Variants in ITK observed in about 807,000 individuals in gnomAD.
ITK encodes IL2 inducible T cell kinase.
ITK carries 45 observed loss-of-function variants against 87.6 expected under a neutral mutation model. The ratio of observed to expected loss-of-function variants is 0.51; its 90% confidence interval spans 0.40 to 0.66. The LOEUF (loss-of-function observed/expected upper bound fraction) is 0.66, where lower values mean the gene tolerates loss of function less well. Among genes scored for constraint, ITK ranks in the 30% least tolerant of loss-of-function variants. The pLI is 0.00. For synonymous variants in ITK, 303 were observed against 273.6 expected (o/e 1.11, Z -1.06); for missense variants, 605 against 766.3 (o/e 0.79, Z 2.48).
At chr5:157,213,246 T>A (rs964770238) in intron 3 of ITK, among the ~76,000 whole-genome samples, 5 of 152,138 alleles carry the variant, frequency 3.3e-5, no homozygotes, top group Non-Finnish European at 7.4e-5. Flanking sequence ...TCAGGTCTCA[T>A]GAGAACTCAC....
chr5:157,194,657 C>A (rs1753818118), intron 1 of ITK, among the ~76,000 whole-genome samples: 1 of 152,152 alleles, frequency 6.6e-6, no homozygotes, highest in Admixed American at 6.5e-5. Flanking sequence ...CAGGAGCACA[C>A]AAGATGGCAC....
Position 157,214,228 on chromosome 5 carries a change from T to A in ITK, c.363T>A (p.His121Gln). Reference sequence around the variant, plus strand: ...ATAACAGTTTGGTGCCTAAATATCATCCTAATTTCTGGATGGATGGGAAGT... The same window carrying A: ...ATAACAGTTTGGTGCCTAAATATCAACCTAATTTCTGGATGGATGGGAAGT... ...RNNNSLVPKY[H>Q]PNFWMDGKWR... The change falls in exon 4 of 17, where the codon CAT becomes CAA. Residue 121 changes from histidine (H) to glutamine (Q), a missense_variant. His to Gln is a conservative substitution (Grantham distance 24). Transcript: ENST00000422843. The A allele has an allele frequency of 6.2e-7, 1 of 1,609,728 alleles. No individual in the cohort carries two copies. Among genetic ancestry groups the A allele is most frequent in the Non-Finnish European group, 8.5e-7 (1 of 1,176,048 alleles).
At chr5:157,197,588 A>G (rs1753876941) in intron 1 of ITK, among the ~76,000 whole-genome samples, 1 of 151,412 alleles carries the variant, frequency 6.6e-6, no homozygotes, top group Non-Finnish European at 1.5e-5. Context: ...TTCTTTGGAT[A>G]TTGCATATAC....
intron 16 of ITK, 120 bp downstream of exon 16, chr5:157,249,127 G>C (rs1755089143): frequency 1.2e-6 from 1 of 848,674 alleles, no homozygotes; most frequent in African/African-American, 1.7e-5. Context: ...ATATAGATTA[G>C]CAACAACATG....
Position 157,222,978 on chromosome 5 carries a change from C to G in ITK, c.611C>G (p.Ser204Cys). The G allele has an allele frequency of 6.2e-7, 1 of 1,614,090 alleles. No homozygotes were observed. Among genetic ancestry groups the G allele is most frequent in the African/African-American group, 1.3e-5 (1 of 75,016 alleles). The change falls in exon 6 of 17, where the codon TCT becomes TGT. Residue 204 changes from serine (S) to cysteine (C), a missense_variant. Transcript: ENST00000422843. ...GAAGAGTACTGCCTGCTGGACAGTT[C>G]TGAGATTCACTGGTGGAGAGTCCAG... ...RNEEYCLLDS[S>C]EIHWWRVQDR...
chr5:157,244,269 T>C lies in ITK; in HGVS notation c.1240T>C (p.Ser414Pro). 6.2e-7 allele frequency: 1 copy of C among 1,614,150 alleles called. No homozygotes were observed. The highest frequency in any genetic ancestry group is 1.1e-5 in the South Asian group (1 of 91,080). The change falls in exon 13 of 17, where the codon TCT becomes CCT. Residue 414 changes from serine to proline, a missense_variant. By Grantham distance (74) the Ser-to-Pro change is moderately conservative. Transcript: ENST00000422843. ...CTTGTCTTTTTCCTCCAGGAAACTC[T>C]CTCATCCCAAACTGGTGCAGCTGTA... ...IEEAEVMMKLSHPKLVQLYGV... is the reference protein window; with the variant it reads ...IEEAEVMMKLPHPKLVQLYGV...
rs78308890 is a variant in ITK, at chr5:157,194,718, A to G, written c.138+13603A>G. Among the ~76,000 whole-genome samples, 144 of 152,360 alleles carry G rather than the reference A, an allele frequency of 9.5e-4. 2 individuals are homozygous for G. The East Asian group carries it at 0.026, about 27-fold the overall frequency. Reference sequence around the variant, plus strand: ...CTTTAATAGTTATGTATCTACTATAATTTATGTTAGAAATAAGTGTTTTAA... The same window carrying G: ...CTTTAATAGTTATGTATCTACTATAGTTTATGTTAGAAATAAGTGTTTTAA... On this transcript the variant is annotated intron_variant, in intron 1 of 16. Transcript: ENST00000422843.
intron 1 of ITK, among the ~76,000 whole-genome samples, 186 bp from the exon 2 acceptor site, chr5:157,208,703 C>A (rs561338646): frequency 6.6e-6 from 1 of 152,086 alleles, no homozygotes; most frequent in Non-Finnish European, 1.5e-5. Flanking sequence ...CATGTGTCCC[C>A]AGGAGTCTGC....
rs527292065 is a variant in ITK, at chr5:157,243,240, G to A, written c.1061-383G>A. 3.9e-5 allele frequency among the ~76,000 whole-genome samples: 6 copies of A among 152,254 alleles called. No homozygotes were observed. The East Asian group carries it at 1.2e-3, about 29-fold the overall frequency. On this transcript the variant is annotated intron_variant, in intron 11 of 16. Coordinates refer to ENST00000422843, the MANE Select transcript of ITK (RefSeq NM_005546.4). The stretch of plus-strand genomic sequence containing the variant: ...CCCTCTGCCCCAGTAAGGCCTAATA[G>A]GGTTATGTGTATATAGCAGGTGCTC...
chr5:157,212,118 T>C (rs139695913), intron 3 of ITK, among the ~76,000 whole-genome samples: 21 of 152,320 alleles, frequency 1.4e-4, no homozygotes, highest in Non-Finnish European at 2.6e-4. Context: ...CCTGGGTAAG[T>C]TCCTTGACCT....
chr5:157,232,465 C>T (rs536506833), intron 8 of ITK, 71 bp downstream of exon 8: 1 of 1,130,514 alleles, frequency 8.8e-7, no homozygotes. Context: ...GTCTGGAATC[C>T]CAGCGATTTG....
intron 1 of ITK, among the ~76,000 whole-genome samples, chr5:157,188,690 T>C (rs1309349651): frequency 2.0e-5 from 3 of 152,190 alleles, no homozygotes; most frequent in African/African-American, 7.2e-5. Flanking sequence ...TGGCGGAATC[T>C]TGGGTCACTG....
chr5:157,202,224 T>C (rs1429120028), intron 1 of ITK, among the ~76,000 whole-genome samples: 1 of 152,150 alleles, frequency 6.6e-6, no homozygotes, highest in Non-Finnish European at 1.5e-5. Flanking sequence ...TTCTTTTCTT[T>C]TCTTTTTGAG....
rs543199119 is a variant in ITK, at chr5:157,220,188, C to T, written c.495+2281C>T. 1.6e-3 allele frequency among the ~76,000 whole-genome samples: 242 copies of T among 152,176 alleles called. 1 individual carries two copies. The highest frequency in any genetic ancestry group is 5.5e-3 in the African/African-American group (228 of 41,528). The stretch of plus-strand genomic sequence containing the variant: ...AACACTGTGAGCAGGGCCAGTCCTC[C>T]GGGGACTGGCCAGTCCTCTGGGGGT... On this transcript the variant is annotated intron_variant, in intron 5 of 16. Transcript: ENST00000422843.
intron 10 of ITK, 75 bp from the exon 11 acceptor site, chr5:157,241,571 T>A: frequency 9.9e-7 from 1 of 1,007,584 alleles, no homozygotes; most frequent in East Asian, 2.4e-5. Flanking sequence ...ATTATTATTT[T>A]TTTTAGTGAT....
intron 10 of ITK, chr5:157,240,422 C>A (rs994602522): frequency 3.4e-6 from 2 of 584,592 alleles, no homozygotes; most frequent in Non-Finnish European, 6.1e-6. Context: ...TGAAAGCAAC[C>A]CCCTGCCACA....
At chr5:157,240,338 A>C (rs1754864316) in intron 10 of ITK, 143 bp downstream of exon 10, 2 of 771,218 alleles carry the variant, frequency 2.6e-6, no homozygotes, top group Middle Eastern at 2.4e-4. Flanking sequence ...TGTGAACAGC[A>C]CTTGTGGGAT....
chr5:157,239,210 C>G (rs779141904), intron 9 of ITK, among the ~76,000 whole-genome samples: 24 of 152,292 alleles, frequency 1.6e-4, no homozygotes, highest in South Asian at 2.1e-4. Flanking sequence ...AGGACAAAGA[C>G]TTATTGAGAT....
chr5:157,200,331 T>A (rs1753940053), intron 1 of ITK, among the ~76,000 whole-genome samples: 1 of 152,154 alleles, frequency 6.6e-6, no homozygotes, highest in Non-Finnish European at 1.5e-5. Flanking sequence ...TCGCCCCAAG[T>A]AATGCAGACA....
Sources: gnomAD v4.1 joint callset for allele counts (sites outside exome capture counted in the v4.1 genomes callset) on GRCh38, gnomAD v4.1.1 for gene constraint, MANE v1.5 for transcripts, NCBI Gene and HGNC (gene_info 2026-07-23, HGNC 2026-07-21) for gene names.